The following MAD1L1 variants were observed in gnomAD, a reference collection of about 807,000 sequenced individuals.
MAD1L1 encodes mitotic spindle assembly checkpoint protein MAD1.
Under a neutral mutation model 96.9 loss-of-function variants are expected in MAD1L1, and 95 were observed. The ratio of observed to expected loss-of-function variants is 0.98; its 90% confidence interval spans 0.83 to 1.16. The LOEUF is 1.16. Ranked by LOEUF, MAD1L1 falls within the 50% of genes most tolerant of loss-of-function variation. The pLI is 0.00. For synonymous variants in MAD1L1, 473 were observed against 396.6 expected (o/e 1.19, Z -2.29); for missense variants, 1,007 against 954.4 (o/e 1.06, Z -0.73).
At chr7:2,175,579 A>C (rs948864197) in intron 10 of MAD1L1, among the ~76,000 whole-genome samples, 1 of 151,812 alleles carries the variant, frequency 6.6e-6, no homozygotes, top group African/African-American at 2.4e-5. Flanking sequence ...GTATGTATTC[A>C]ATCTACCATC....
At chr7:2,008,109 A>G (rs1034416812) in intron 13 of MAD1L1, among the ~76,000 whole-genome samples, 2 of 152,164 alleles carry the variant, frequency 1.3e-5, no homozygotes, top group Non-Finnish European at 2.9e-5. Flanking sequence ...AAGCTGGGGG[A>G]TTTTACTGAG....
In MAD1L1 at chr7:2,069,284, G is replaced by C; in HGVS notation, c.1128C>G (p.Val376=). The change falls in exon 12 of 19, where the codon GTC becomes GTG. Residue 376 remains valine, a synonymous_variant. Coordinates refer to ENST00000265854, the MANE Select transcript of MAD1L1 (RefSeq NM_001013836.2). ...TCCTCTCCTCCAACAGCTGGCCGCT[G>C]ACCTGCCGGAGCTCCTCCTGCAGCT... ...RQQLQEELRQ[V]SGQLLEERKK... The C allele has an allele frequency of 6.2e-7, 1 of 1,610,484 alleles. No individual in the cohort carries two copies. The highest frequency in any genetic ancestry group is 2.2e-5 in the East Asian group (1 of 44,692).
At chr7:2,117,811 A>T (rs965106294) in intron 11 of MAD1L1, among the ~76,000 whole-genome samples, 1 of 152,168 alleles carries the variant, frequency 6.6e-6, no homozygotes, top group African/African-American at 2.4e-5. Flanking sequence ...AGAAGAGAGA[A>T]GCCCTGCCAG....
At chr7:1,974,700 G>C (rs904722569) in intron 15 of MAD1L1, among the ~76,000 whole-genome samples, 3 of 152,262 alleles carry the variant, frequency 2.0e-5, no homozygotes, top group African/African-American at 7.2e-5. Flanking sequence ...AGAAGACACA[G>C]AAAACAGAGG....
At chr7:2,204,217 G>C (rs1792466750) in intron 10 of MAD1L1, among the ~76,000 whole-genome samples, 1 of 152,130 alleles carries the variant, frequency 6.6e-6, no homozygotes, top group Non-Finnish European at 1.5e-5. Context: ...ATGAAGGCTG[G>C]CTTAAACAGC....
intron 18 of MAD1L1, among the ~76,000 whole-genome samples, chr7:1,855,675 T>C (rs1159843442): frequency 6.6e-6 from 1 of 152,104 alleles, no homozygotes; most frequent in Non-Finnish European, 1.5e-5. Flanking sequence ...TGCAGGAAGA[T>C]GGGGGCTCCC....
At chr7:1,936,921 G>A (rs981512551) in intron 16 of MAD1L1, 24 bp from the exon 17 acceptor site, 1 of 1,549,832 alleles carries the variant, frequency 6.5e-7, no homozygotes, top group Admixed American at 1.9e-5. Context: ...CACAGCACAG[G>A]TCACCATGGC....
At chr7:2,144,869 C>A (rs546948768) in intron 11 of MAD1L1, among the ~76,000 whole-genome samples, 2 of 152,170 alleles carry the variant, frequency 1.3e-5, no homozygotes, top group Admixed American at 6.5e-5. Context: ...GGCTCCCCTA[C>A]ACTGCCATGA....
chr7:1,934,168 G>A (rs1052846188), intron 17 of MAD1L1, among the ~76,000 whole-genome samples: 1 of 152,204 alleles, frequency 6.6e-6, no homozygotes, highest in African/African-American at 2.4e-5. Context: ...GCCATGTGGC[G>A]CGGCCCCCAC....
chr7:2,081,691 C>A (rs1785656162), intron 11 of MAD1L1, among the ~76,000 whole-genome samples: 1 of 152,252 alleles, frequency 6.6e-6, no homozygotes, highest in Non-Finnish European at 1.5e-5. Flanking sequence ...CTGTTCCAGC[C>A]CCCGTGGTCG....
At chr7:2,228,607 C>G (rs923165115) in intron 3 of MAD1L1, among the ~76,000 whole-genome samples, 4 of 151,810 alleles carry the variant, frequency 2.6e-5, no homozygotes, top group Admixed American at 6.6e-5. Context: ...CCATCTATTA[C>G]CTTCATAATT....
chr7:2,080,744 G>A (rs1472356853), intron 11 of MAD1L1, among the ~76,000 whole-genome samples: 1 of 152,210 alleles, frequency 6.6e-6, no homozygotes, highest in Admixed American at 6.5e-5. Flanking sequence ...TGCGGAGCCA[G>A]ATTTTCCCAA....
chr7:2,025,816 TATA>T (rs1782972286), intron 12 of MAD1L1, among the ~76,000 whole-genome samples: 1 of 152,196 alleles, frequency 6.6e-6, no homozygotes, highest in Non-Finnish European at 1.5e-5. Flanking sequence ...TTGTTAAGTA[TATA>T]ATAATAGTCT....
At chr7:2,091,748 C>G (rs530721379) in intron 11 of MAD1L1, among the ~76,000 whole-genome samples, 6 of 151,474 alleles carry the variant, frequency 4.0e-5, no homozygotes, top group African/African-American at 1.5e-4. Flanking sequence ...TGCACTACAG[C>G]CTGGGCGACA....
Position 2,178,559 on chromosome 7 carries a change from A to C in MAD1L1, c.987-29321T>G, listed in dbSNP as rs555510219. On this transcript the variant is annotated intron_variant, in intron 10 of 18. Coordinates refer to ENST00000265854, the MANE Select transcript of MAD1L1 (RefSeq NM_001013836.2). ...AATTCACCCAAATGTACAGGTAGAA[A>C]ACATAAAATAAATTTGCAACCATGA... Among the ~76,000 whole-genome samples the C allele has an allele frequency of 2.0e-4, 30 of 152,348 alleles. No individual in the cohort carries two copies. The South Asian group carries it at 5.8e-3, about 29-fold the overall frequency.
At chr7:2,019,860 T>A (rs1056226878) in intron 12 of MAD1L1, among the ~76,000 whole-genome samples, 1 of 151,680 alleles carries the variant, frequency 6.6e-6, no homozygotes. Flanking sequence ...GCCTCCTGTC[T>A]GTCCCTCGCT....
chr7:1,960,448 A>G (rs1779908097), intron 15 of MAD1L1, among the ~76,000 whole-genome samples: 1 of 152,224 alleles, frequency 6.6e-6, no homozygotes, highest in Non-Finnish European at 1.5e-5. Flanking sequence ...TTTAAATACA[A>G]AGATGCAAAA....
At chr7:2,200,896 C>T (rs975832034) in intron 10 of MAD1L1, among the ~76,000 whole-genome samples, 9 of 149,982 alleles carry the variant, frequency 6.0e-5, no homozygotes, top group African/African-American at 1.7e-4. Context: ...CTGGGAGGAG[C>T]GGGATGCGGG....
chr7:2,153,041 G>A (rs1390635355), intron 10 of MAD1L1, among the ~76,000 whole-genome samples: 1 of 152,194 alleles, frequency 6.6e-6, no homozygotes, highest in African/African-American at 2.4e-5. Flanking sequence ...ATCAACTGGA[G>A]ATGGATTACA....
Sources: allele counts gnomAD v4.1 joint callset (sites outside exome capture counted in the v4.1 genomes callset), GRCh38; gene constraint gnomAD v4.1.1; transcripts MANE v1.5; gene names NCBI Gene and HGNC (gene_info 2026-07-23, HGNC 2026-07-21).